Variants in PXDNL observed in about 807,000 individuals in gnomAD.
The protein encoded by PXDNL is peroxidasin like.
A neutral mutation model predicts 150.8 loss-of-function variants in PXDNL; 145 were observed. The ratio of observed to expected loss-of-function variants is 0.96; its 90% CI spans 0.84 to 1.10. PXDNL has a LOEUF of 1.10. Among genes scored for constraint, PXDNL ranks in the 50% least tolerant of loss-of-function variants. The pLI is 0.00. For missense variants in PXDNL, 2,087 were observed against 1,873.9 expected (o/e 1.11, Z -2.10); for synonymous variants, 757 against 725.7 (o/e 1.04, Z -0.69).
At chr8:51,320,735 TG>T in intron 22 of PXDNL, 48 bp downstream of exon 22, 1 of 1,264,246 alleles carries the variant, frequency 7.9e-7, no homozygotes, top group Non-Finnish European at 1.1e-6. Context: ...TTCAACTGGC[TG>T]GCTAGAAGTG....
intron 19 of PXDNL, among the ~76,000 whole-genome samples, chr8:51,370,571 C>T (rs1465529311): frequency 6.6e-6 from 1 of 152,096 alleles, no homozygotes; most frequent in Non-Finnish European, 1.5e-5. Flanking sequence ...TTGCTGTGTC[C>T]GATAAAGCAC....
At chr8:51,776,257 G>C (rs1297351634) in intron 1 of PXDNL, among the ~76,000 whole-genome samples, 1 of 152,064 alleles carries the variant, frequency 6.6e-6, no homozygotes, top group African/African-American at 2.4e-5. Context: ...TTTGCCTTGT[G>C]ATATTTTATC....
At chr8:51,388,697 A>C (rs1327629441) in intron 17 of PXDNL, among the ~76,000 whole-genome samples, 1 of 151,960 alleles carries the variant, frequency 6.6e-6, no homozygotes, top group Non-Finnish European at 1.5e-5. Context: ...AACTTCTATA[A>C]ATATTTGATG....
At chr8:51,532,155 C>T (rs763142000) in intron 4 of PXDNL, among the ~76,000 whole-genome samples, 3 of 152,144 alleles carry the variant, frequency 2.0e-5, no homozygotes, top group Admixed American at 6.5e-5. Flanking sequence ...TAATAGCCTT[C>T]GCATTAGAGG....
chr8:51,469,208 A>C (rs537493422), intron 8 of PXDNL, among the ~76,000 whole-genome samples: 103 of 152,168 alleles, frequency 6.8e-4, no homozygotes, highest in African/African-American at 2.3e-3. Context: ...GTTTACCGCA[A>C]ATATAACTGC....
intron 18 of PXDNL, among the ~76,000 whole-genome samples, chr8:51,373,322 T>A (rs1229304638): frequency 1.3e-5 from 2 of 152,168 alleles, no homozygotes; most frequent in African/African-American, 4.8e-5. Flanking sequence ...TTGATCAGCA[T>A]CTAACCTCCA....
At position 51,372,048 on chromosome 8, in the gene PXDNL, CG is replaced by C; in HGVS notation, c.3725del (p.Pro1242ArgfsTer7). ...CCTGCTTCAGCTGAGTGAGTTGTGC[CG>C]GGGTAAATACTCCAGGGTTTTCATA... ...FWYENPGVFT[P>X]AQLTQLKQAS... On this transcript the variant is annotated frameshift_variant, in exon 19 of 23. Coordinates refer to ENST00000356297, the MANE Select transcript of PXDNL (RefSeq NM_144651.5). LOFTEE classifies it high-confidence loss of function. 6.2e-7 allele frequency: 1 copy of C among 1,603,800 alleles called. No individual in the cohort carries two copies. Among genetic ancestry groups the C allele is most frequent in the Non-Finnish European group, 8.5e-7 (1 of 1,174,972 alleles).
At chr8:51,612,242 C>T (rs1032833414) in intron 2 of PXDNL, among the ~76,000 whole-genome samples, 1 of 152,134 alleles carries the variant, frequency 6.6e-6, no homozygotes, top group African/African-American at 2.4e-5. Flanking sequence ...CTGTCCTGTT[C>T]TGTAGGGCCT....
intron 16 of PXDNL, among the ~76,000 whole-genome samples, chr8:51,410,475 G>A (rs1412545069): frequency 6.6e-6 from 1 of 152,198 alleles, no homozygotes; most frequent in Non-Finnish European, 1.5e-5. Context: ...CATACTGGGT[G>A]ACCAGGGACA....
At chr8:51,570,252 C>T (rs1482171070) in intron 3 of PXDNL, among the ~76,000 whole-genome samples, 2 of 149,298 alleles carry the variant, frequency 1.3e-5, no homozygotes, top group Non-Finnish European at 2.9e-5. Context: ...AAACATGACG[C>T]TGTGGGTTCC....
Position 51,436,388 on chromosome 8 carries a change from CA to C in PXDNL, c.1526-9631del, listed in dbSNP as rs1415182244. 31 of 421,406 alleles carry C rather than the reference CA, an allele frequency of 7.4e-5. No individual in the cohort carries two copies. In the East Asian group the frequency reaches 1.2e-3, roughly 16 times the overall value. The allele number at this position is 421,406 out of a possible 1,614,324, so 26.1% of individuals were successfully genotyped here. A position where few individuals can be genotyped will look rare whatever the true frequency, so the allele number is the denominator to read the frequency against. On this transcript the variant is annotated intron_variant, in intron 12 of 22. Coordinates refer to ENST00000356297, the MANE Select transcript of PXDNL (RefSeq NM_144651.5). ...TATAAAAATTCTCACTACCAGGCAC[CA>C]AAAATGCATTGCCATGTCATAAGAT...
Position 51,374,610 on chromosome 8 carries a change from T to C in PXDNL, c.3679A>G (p.Arg1227Gly). The change falls in exon 18 of 23, where the codon AGA (arginine) becomes GGA (glycine). Residue 1227 changes from arginine to glycine, a missense_variant. Transcript: ENST00000356297. ...ATAATCATTCACCTATCTCCATCTC[T>C]TAGCCGCTGAAACTGGGTAACAAAC... ...CLFVTQFQRL[R>G]DGDRFWYENP... 6.2e-7 allele frequency: 1 copy of C among 1,613,924 alleles called. No individual in the cohort carries two copies. The highest frequency in any genetic ancestry group is 8.5e-7 in the Non-Finnish European group (1 of 1,179,856).
At chr8:51,636,151 C>G (rs1814598288) in intron 2 of PXDNL, among the ~76,000 whole-genome samples, 1 of 151,932 alleles carries the variant, frequency 6.6e-6, no homozygotes, top group East Asian at 1.9e-4. Flanking sequence ...AATTCAACAC[C>G]CTTTTATAAT....
At chr8:51,606,461 T>C (rs1208727556) in intron 2 of PXDNL, among the ~76,000 whole-genome samples, 1 of 152,204 alleles carries the variant, frequency 6.6e-6, no homozygotes, top group Non-Finnish European at 1.5e-5. Context: ...CAAAATACAA[T>C]TAACCTTTAG....
intron 1 of PXDNL, among the ~76,000 whole-genome samples, chr8:51,666,150 A>C (rs926527609): frequency 3.9e-5 from 6 of 152,180 alleles, no homozygotes; most frequent in Non-Finnish European, 8.8e-5. Flanking sequence ...CTCTTGATGC[A>C]TAGTCAGTGA....
intron 2 of PXDNL, among the ~76,000 whole-genome samples, chr8:51,614,697 A>T (rs1273523631): frequency 6.6e-6 from 1 of 152,096 alleles, no homozygotes; most frequent in Non-Finnish European, 1.5e-5. Context: ...ATTTTTTTAC[A>T]TTTTTATTAT....
chr8:51,412,564 G>A (rs1471014919), intron 15 of PXDNL, among the ~76,000 whole-genome samples: 1 of 152,152 alleles, frequency 6.6e-6, no homozygotes, highest in Admixed American at 6.5e-5. Context: ...CTCAATTTGG[G>A]ATTTTACGAT....
At chr8:51,428,804 G>A (rs746069106) in intron 12 of PXDNL, among the ~76,000 whole-genome samples, 1 of 151,866 alleles carries the variant, frequency 6.6e-6, no homozygotes, top group South Asian at 2.1e-4. Context: ...CTTTGACTTT[G>A]CATAAAAAAT....
chr8:51,471,276 A>G (rs1394568612), intron 8 of PXDNL, among the ~76,000 whole-genome samples: 2 of 152,214 alleles, frequency 1.3e-5, no homozygotes, highest in Admixed American at 1.3e-4. Flanking sequence ...AATCAAAACT[A>G]CAACGAGATA....
Sources: allele counts gnomAD v4.1 joint callset (sites outside exome capture counted in the v4.1 genomes callset), GRCh38; gene constraint gnomAD v4.1.1; transcripts MANE v1.5; gene names NCBI Gene and HGNC (gene_info 2026-07-23, HGNC 2026-07-21).